TMIGD3: variants seen among roughly 807,000 people sequenced by gnomAD.
TMIGD3 encodes AD026 protein (AD026).
A neutral mutation model predicts 28.1 loss-of-function variants in TMIGD3; 21 were observed. The ratio of observed to expected loss-of-function variants is 0.75; its 90% CI spans 0.53 to 1.08. The LOEUF is 1.08. TMIGD3 is among the 50% of genes least tolerant of loss of function. The probability of loss-of-function intolerance (pLI) is 0.00; values close to 1 mark genes in which losing one functional copy is unlikely to be tolerated. For synonymous variants in TMIGD3, 151 were observed against 162.1 expected (o/e 0.93, Z 0.52); for missense variants, 416 against 435.6 (o/e 0.96, Z 0.40).
intron 1 of TMIGD3, among the ~76,000 whole-genome samples, chr1:111,538,272 C>T (rs559600321): frequency 2.6e-5 from 4 of 152,252 alleles, no homozygotes; most frequent in Admixed American, 2.6e-4. Flanking sequence ...TGTACCTGGG[C>T]GACTCCTTGC....
chr1:111,509,235 C>T (rs925939488), intron 1 of TMIGD3, among the ~76,000 whole-genome samples: 2 of 152,224 alleles, frequency 1.3e-5, no homozygotes, highest in South Asian at 2.1e-4. Context: ...CGTCATTGAT[C>T]CTTCCCTTGG....
At chr1:111,488,554 G>T in intron 3 of TMIGD3, 123 bp downstream of exon 3, 2 of 817,758 alleles carry the variant, frequency 2.4e-6, no homozygotes, top group Non-Finnish European at 3.8e-6. Context: ...GAGAGGCCAG[G>T]CAGGCCCAAA....
At chr1:111,553,994 G>A (rs1657379053) in intron 1 of TMIGD3, among the ~76,000 whole-genome samples, 1 of 152,258 alleles carries the variant, frequency 6.6e-6, no homozygotes, top group South Asian at 2.1e-4. Flanking sequence ...AAGAAGAGGA[G>A]TGCAGGCACA....
At chr1:111,497,948 A>G (rs1654970738) in intron 1 of TMIGD3, among the ~76,000 whole-genome samples, 1 of 152,208 alleles carries the variant, frequency 6.6e-6, no homozygotes, top group Non-Finnish European at 1.5e-5. Flanking sequence ...CCTTCCTCTC[A>G]TTTCTCCAAT....
At chr1:111,518,938 TG>T (rs1655957949) in intron 1 of TMIGD3, among the ~76,000 whole-genome samples, 1 of 152,080 alleles carries the variant, frequency 6.6e-6, no homozygotes, top group Admixed American at 6.5e-5. Context: ...TTTGTTTGTT[TG>T]TTTGTTTTTT....
chr1:111,503,007 G>A lies in TMIGD3; in HGVS notation c.348C>T (p.Val116=). 1.2e-6 allele frequency: 2 copies of A among 1,613,284 alleles called. No homozygotes were observed. The highest frequency in any genetic ancestry group is 1.7e-6 in the Non-Finnish European group (2 of 1,179,354). The change falls in exon 1 of 6, where the codon GTC becomes GTT. Residue 116 remains valine, a splice_region_variant and synonymous_variant. Coordinates refer to ENST00000369716, the MANE Select transcript of TMIGD3 (RefSeq NM_020683.7). The part of the protein sequence containing the change: ...VDRYLRVKLT[V]RFRIPGLPGC... ...GCCCACCCCACGCCGCAGGCTACCT[G>A]ACGGTAAGCTTGACCCGCAAGTATC...
At chr1:111,538,954 T>A (rs566987190) in intron 1 of TMIGD3, among the ~76,000 whole-genome samples, 1 of 152,204 alleles carries the variant, frequency 6.6e-6, no homozygotes, top group Non-Finnish European at 1.5e-5. Flanking sequence ...ATTCGTATAT[T>A]CTACACCCCC....
intron 4 of TMIGD3, 50 bp downstream of exon 4, chr1:111,486,536 C>A (rs371619226): frequency 2.3e-4 from 294 of 1,251,540 alleles, no homozygotes; most frequent in Middle Eastern, 1.0e-3. Flanking sequence ...CCAGCCCCTA[C>A]CTCCACCCCA....
intron 1 of TMIGD3, among the ~76,000 whole-genome samples, chr1:111,497,197 G>A (rs1053056916): frequency 3.3e-5 from 5 of 152,038 alleles, no homozygotes; most frequent in Non-Finnish European, 7.4e-5. Flanking sequence ...TGCAAGCTCC[G>A]CCTCCCGGGT....
In TMIGD3 at chr1:111,511,896, A is replaced by G. The variant is rs570278869; in HGVS notation, c.108-21134T>C. Among the ~76,000 whole-genome samples the G allele has an allele frequency of 6.6e-5, 10 of 152,272 alleles. No homozygotes were observed. In the South Asian group the frequency reaches 2.1e-3, roughly 32 times the overall value. On this transcript the variant is annotated intron_variant, in intron 1 of 5. Coordinates refer to the TMIGD3 transcript ENST00000369717. ...CATTACTCCTGATCACTGACCACTGATCTTGCCCCAAATCACAGTGTTCAT... is the reference window on the plus strand; with the variant it reads ...CATTACTCCTGATCACTGACCACTGGTCTTGCCCCAAATCACAGTGTTCAT...
At chr1:111,520,397 G>A (rs182395583) in intron 1 of TMIGD3, among the ~76,000 whole-genome samples, 58 of 152,216 alleles carry the variant, frequency 3.8e-4, no homozygotes, top group East Asian at 1.4e-3. Flanking sequence ...CAACAATCTC[G>A]CCAACAAGAT....
Position 111,490,699 on chromosome 1 carries a change from T to C in TMIGD3, c.414A>G (p.Pro138=), listed in dbSNP as rs1380031186. 6.2e-7 allele frequency: 1 copy of C among 1,613,938 alleles called. No homozygotes were observed. The highest frequency in any genetic ancestry group is 1.3e-5 in the African/African-American group (1 of 74,896). The change falls in exon 2 of 6, where the codon CCA becomes CCG. Residue 138 remains proline, a synonymous_variant. Transcript: ENST00000369716. ...LSFQLKVCFL[P]VMWLFILLSL... ...AGAGTAGAATGAAGAGCCACATGACTGGAAGGAAGCAAACTTTCAACTGGA... is the reference window on the plus strand; with the variant it reads ...AGAGTAGAATGAAGAGCCACATGACCGGAAGGAAGCAAACTTTCAACTGGA...
intron 5 of TMIGD3, among the ~76,000 whole-genome samples, chr1:111,484,001 C>T (rs1018397476): frequency 2.0e-5 from 3 of 152,216 alleles, no homozygotes; most frequent in Admixed American, 2.0e-4. Context: ...TCTTCAGAGC[C>T]CAAGAATGTC....
At chr1:111,545,439 T>C (rs1657001157) in intron 1 of TMIGD3, among the ~76,000 whole-genome samples, 1 of 152,180 alleles carries the variant, frequency 6.6e-6, no homozygotes, top group African/African-American at 2.4e-5. Flanking sequence ...AAATATCTGT[T>C]CGAGTCCTTT....
chr1:111,509,894 T>A (rs1655634058), intron 1 of TMIGD3, among the ~76,000 whole-genome samples: 1 of 152,226 alleles, frequency 6.6e-6, no homozygotes, highest in Admixed American at 6.5e-5. Context: ...TAGGAGAGAA[T>A]TGACTCACTC....
At chr1:111,552,504 T>C (rs376398805) in intron 1 of TMIGD3, among the ~76,000 whole-genome samples, 4 of 152,284 alleles carry the variant, frequency 2.6e-5, no homozygotes, top group African/African-American at 4.8e-5. Context: ...TATGTTGGAG[T>C]TCATTTTCAG....
chr1:111,500,833 GGA>G, intron 1 of TMIGD3: 1 of 520,184 alleles, frequency 1.9e-6, no homozygotes, highest in Non-Finnish European at 3.4e-6. Context: ...TGGATAAGGA[GGA>G]TGTTGCCTAG....
At position 111,485,726 on chromosome 1, in the gene TMIGD3, C is replaced by T; in HGVS notation, c.973+14G>A. 1.2e-6 allele frequency: 1 copy of T among 850,660 alleles called. No homozygotes were observed. Among genetic ancestry groups the T allele is most frequent in the Non-Finnish European group, 1.9e-6 (1 of 522,910 alleles). The allele number at this position is 850,660 out of a possible 1,614,324, so 52.7% of individuals were successfully genotyped here. On this transcript the variant is annotated intron_variant, in intron 5 of 5. Transcript: ENST00000369716. ...AATTCTTGCCCACCCCCTCCCTCAA[C>T]AATAGCTACTTACCCCTTCTATTCC...
intron 1 of TMIGD3, among the ~76,000 whole-genome samples, chr1:111,495,532 AACTAGTAT>A (rs2100969746): frequency 6.6e-6 from 1 of 152,352 alleles, no homozygotes; most frequent in Admixed American, 6.5e-5. Context: ...AAATTAGTTC[AACTAGTAT>A]ACTAATTGAA....
Sources: allele counts gnomAD v4.1 joint callset (sites outside exome capture counted in the v4.1 genomes callset), GRCh38; gene constraint gnomAD v4.1.1; transcripts MANE v1.5; gene names NCBI Gene and HGNC (gene_info 2026-07-23, HGNC 2026-07-21).